The following KIAA1217 variants were observed in gnomAD, a reference collection of about 807,000 sequenced individuals.
KIAA1217 encodes sickle tail protein homolog.
KIAA1217 carries 88 observed loss-of-function variants against 163.9 expected under a neutral mutation model. The observed-to-expected ratio is 0.54, with a 90% confidence interval of 0.45 to 0.64. KIAA1217 has a LOEUF of 0.64. Among genes scored for constraint, KIAA1217 ranks in the 30% least tolerant of loss-of-function variants. The pLI is 0.00. For missense variants in KIAA1217, 2,372 were observed against 2,475.0 expected (o/e 0.96, Z 0.88); for synonymous variants, 903 against 923.1 (o/e 0.98, Z 0.39).
At chr10:24,034,219 G>C (rs1372802214) in intron 2 of KIAA1217, among the ~76,000 whole-genome samples, 2 of 152,098 alleles carry the variant, frequency 1.3e-5, no homozygotes, top group Non-Finnish European at 2.9e-5. Context: ...GTTTTCTCCT[G>C]GATTACATAA....
intron 2 of KIAA1217, among the ~76,000 whole-genome samples, chr10:24,292,869 GA>G (rs898032985): frequency 8.9e-5 from 13 of 145,824 alleles, no homozygotes; most frequent in South Asian, 2.2e-4. Flanking sequence ...TCCTGGATTA[GA>G]AAAAAAAAAG....
At chr10:23,950,788 A>G (rs190011549) in intron 1 of KIAA1217, among the ~76,000 whole-genome samples, 136 of 152,136 alleles carry the variant, frequency 8.9e-4, no homozygotes, top group East Asian at 4.1e-3. Context: ...TTACTTGTTT[A>G]TTGTCTGTTT....
chr10:24,473,763 G>A lies in KIAA1217; in HGVS notation c.1382G>A (p.Ser461Asn), dbSNP rs1271346628. 1.9e-6 allele frequency: 3 copies of A among 1,613,970 alleles called. No homozygotes were observed. The highest frequency in any genetic ancestry group is 3.3e-5 in the Admixed American group (2 of 59,996). ...YRQKSRKYPDSHLPTLGSKTP... is the reference protein window; with the variant it reads ...YRQKSRKYPDNHLPTLGSKTP... Reference sequence around the variant, plus strand: ...CAGAAATCAAGGAAATATCCGGATAGCCATTTGCCTACACTGGGCTCCAAA... The same window carrying A: ...CAGAAATCAAGGAAATATCCGGATAACCATTTGCCTACACTGGGCTCCAAA... The change falls in exon 6 of 21, where the codon AGC becomes AAC. Residue 461 changes from serine to asparagine, a missense_variant. Physicochemically the swap from Ser to Asn is conservative, Grantham distance 46. Coordinates refer to ENST00000376454, the MANE Select transcript of KIAA1217 (RefSeq NM_019590.5).
rs58645832 is a variant in KIAA1217, at chr10:24,437,906, CAAAAAAAAA to C, written c.753-469_753-461del. Among the ~76,000 whole-genome samples, 15 of 63,692 alleles carry C rather than the reference CAAAAAAAAA, an allele frequency of 2.4e-4. No homozygotes were observed. The Admixed American group carries it at 2.9e-3, about 12-fold the overall frequency. The allele number at this position is 63,692 out of a possible 152,430, so 41.8% of individuals were successfully genotyped here. Reference sequence around the variant, plus strand: ...TTCAGTTGCCGAAAGTGTTTGAAGGCAAAAAAAAAAAAAAAAAAAGAAAAAGAAAAAAAT... The same window carrying C: ...TTCAGTTGCCGAAAGTGTTTGAAGGCAAAAAAAAAAGAAAAAGAAAAAAAT... On this transcript the variant is annotated intron_variant, in intron 4 of 20. Coordinates refer to ENST00000376454, the MANE Select transcript of KIAA1217 (RefSeq NM_019590.5).
chr10:24,090,527 G>T (rs1211627538), intron 2 of KIAA1217, among the ~76,000 whole-genome samples: 2 of 151,128 alleles, frequency 1.3e-5, no homozygotes, highest in East Asian at 3.9e-4. Flanking sequence ...TTTCCTTTCT[G>T]TGCTCCCAAG....
At chr10:23,770,306 C>T (rs773545693) in intron 1 of KIAA1217, among the ~76,000 whole-genome samples, 7 of 152,222 alleles carry the variant, frequency 4.6e-5, no homozygotes, top group Non-Finnish European at 7.3e-5. Context: ...CCCCATTCCT[C>T]AGGTGGTTGC....
At chr10:23,743,907 A>T (rs1255483140) in intron 1 of KIAA1217, among the ~76,000 whole-genome samples, 1 of 151,470 alleles carries the variant, frequency 6.6e-6, no homozygotes, top group African/African-American at 2.4e-5. Flanking sequence ...AGAAAAAAAA[A>T]AATAAATGTC....
rs546608743 is a variant in KIAA1217 at position 24,359,092 on chromosome 10, T to G, written c.355-21777T>G. Among the ~76,000 whole-genome samples the G allele has an allele frequency of 8.9e-4, 129 of 144,142 alleles. 1 individual carries two copies. The highest frequency in any genetic ancestry group is 8.3e-4 in the Admixed American group (12 of 14,504). The allele number at this position is 144,142 out of a possible 152,430, so 94.6% of individuals were successfully genotyped here. On this transcript the variant is annotated intron_variant, in intron 2 of 20. Transcript: ENST00000376454. Reference sequence around the variant, plus strand: ...TTTCTTTCTTTCTTTCTTTTTTTTTTTTTTTTTGTTTTTTTGAGATAGAGT... The same window carrying G: ...TTTCTTTCTTTCTTTCTTTTTTTTTGTTTTTTTGTTTTTTTGAGATAGAGT...
chr10:24,032,079 C>CTT (rs5783874), intron 2 of KIAA1217, among the ~76,000 whole-genome samples: 1 of 151,848 alleles, frequency 6.6e-6, no homozygotes, highest in African/African-American at 2.4e-5. Flanking sequence ...ATAACCTCTT[C>CTT]TTTTTTAATA....
intron 1 of KIAA1217, among the ~76,000 whole-genome samples, chr10:24,219,248 G>C (rs1481356395): frequency 2.0e-5 from 3 of 151,988 alleles, no homozygotes; most frequent in Admixed American, 2.0e-4. Context: ...CGAGAAGCTG[G>C]GACCACAGGC....
At chr10:24,152,245 A>G (rs1198237676) in intron 2 of KIAA1217, among the ~76,000 whole-genome samples, 3 of 152,180 alleles carry the variant, frequency 2.0e-5, no homozygotes, top group Non-Finnish European at 4.4e-5. Flanking sequence ...CTCTGGTTTG[A>G]CTAGTCTACA....
chr10:23,825,675 T>C (rs1837863689), intron 1 of KIAA1217, among the ~76,000 whole-genome samples: 2 of 152,206 alleles, frequency 1.3e-5, no homozygotes, highest in Admixed American at 1.3e-4. Context: ...CTGAATAATA[T>C]ATGCGTTATT....
intron 2 of KIAA1217, among the ~76,000 whole-genome samples, chr10:24,291,730 C>T (rs771498913): frequency 6.6e-6 from 1 of 151,970 alleles, no homozygotes; most frequent in African/African-American, 2.4e-5. Context: ...AAACAGCATT[C>T]ACCCATTTCA....
intron 1 of KIAA1217, among the ~76,000 whole-genome samples, chr10:23,925,412 T>C (rs568489709): frequency 6.6e-6 from 1 of 152,166 alleles, no homozygotes; most frequent in South Asian, 2.1e-4. Context: ...ATTATAGATA[T>C]ATTAAGGGCC....
intron 2 of KIAA1217, among the ~76,000 whole-genome samples, chr10:24,131,243 G>T (rs899857427): frequency 6.6e-6 from 1 of 152,122 alleles, no homozygotes; most frequent in Non-Finnish European, 1.5e-5. Context: ...CTTCGATTAC[G>T]TGGTGTTTCT....
chr10:23,880,123 A>G (rs1439442512), intron 1 of KIAA1217, among the ~76,000 whole-genome samples: 6 of 151,930 alleles, frequency 3.9e-5, no homozygotes, highest in Non-Finnish European at 8.8e-5. Context: ...TGAGCATGGT[A>G]TGAAATACAC....
At chr10:24,232,209 A>G (rs147183965) in intron 2 of KIAA1217, among the ~76,000 whole-genome samples, 1 of 152,296 alleles carries the variant, frequency 6.6e-6, no homozygotes, top group African/African-American at 2.4e-5. Flanking sequence ...AAAAGACTAA[A>G]TTCAGGGGTT....
At chr10:23,861,304 T>G (rs1449318684) in intron 1 of KIAA1217, among the ~76,000 whole-genome samples, 1 of 152,142 alleles carries the variant, frequency 6.6e-6, no homozygotes, top group South Asian at 2.1e-4. Flanking sequence ...CTTGGTAAAA[T>G]TTCAAGTGAA....
chr10:24,215,082 A>G (rs534269479), intron 1 of KIAA1217, among the ~76,000 whole-genome samples: 5 of 152,224 alleles, frequency 3.3e-5, no homozygotes, highest in African/African-American at 9.6e-5. Context: ...CCCAGCCCCT[A>G]CTTTCTATGC....
Sources: gnomAD v4.1 joint callset for allele counts (sites outside exome capture counted in the v4.1 genomes callset) on GRCh38, gnomAD v4.1.1 for gene constraint, MANE v1.5 for transcripts, NCBI Gene and HGNC (gene_info 2026-07-23, HGNC 2026-07-21) for gene names.